Variants in PTPRK observed in about 807,000 individuals in gnomAD.
PTPRK encodes the protein protein tyrosine phosphatase receptor type K.
PTPRK carries 75 observed loss-of-function variants against 178.0 expected under a neutral mutation model. The observed-to-expected ratio is 0.42, with a 90% confidence interval of 0.35 to 0.51. PTPRK has a LOEUF of 0.51. Among genes scored for constraint, PTPRK ranks in the 20% least tolerant of loss-of-function variants. PTPRK has a pLI of 0.02. For missense variants in PTPRK, 1,441 were observed against 1,797.8 expected (o/e 0.80, Z 3.59); for synonymous variants, 637 against 620.6 (o/e 1.03, Z -0.39).
At chr6:128,044,160 T>C (rs1353746418) in intron 13 of PTPRK, among the ~76,000 whole-genome samples, 1 of 152,056 alleles carries the variant, frequency 6.6e-6, no homozygotes, top group Non-Finnish European at 1.5e-5. Flanking sequence ...AAAGAGCTTA[T>C]TTTTTGCACA....
intron 5 of PTPRK, chr6:128,230,838 C>T (rs911467634): frequency 1.1e-4 from 17 of 152,138 alleles, no homozygotes; most frequent in African/African-American, 3.9e-4. Context: ...AATCCTTGAA[C>T]TTCCATGACT....
intron 2 of PTPRK, among the ~76,000 whole-genome samples, chr6:128,340,318 G>A (rs190675371): frequency 1.2e-4 from 19 of 152,242 alleles, no homozygotes; most frequent in Non-Finnish European, 2.6e-4. Flanking sequence ...ACCAGACAGG[G>A]CTTCAAGACT....
At chr6:128,122,436 C>T (rs935953140) in intron 7 of PTPRK, among the ~76,000 whole-genome samples, 1 of 152,132 alleles carries the variant, frequency 6.6e-6, no homozygotes. Flanking sequence ...AGTTCTATCA[C>T]AAGAACCCCT....
intron 3 of PTPRK, among the ~76,000 whole-genome samples, chr6:128,299,412 A>C (rs1825137374): frequency 6.6e-6 from 1 of 152,146 alleles, no homozygotes; most frequent in Non-Finnish European, 1.5e-5. Context: ...CCGCACTGCC[A>C]AGTCAATCCT....
At chr6:128,081,644 G>A (rs1046261556) in intron 10 of PTPRK, among the ~76,000 whole-genome samples, 34 of 151,814 alleles carry the variant, frequency 2.2e-4, no homozygotes, top group African/African-American at 8.0e-4. Flanking sequence ...TACATTGTGT[G>A]GTTGACCTTT....
At chr6:128,390,958 A>G (rs1839467282) in intron 2 of PTPRK, among the ~76,000 whole-genome samples, 1 of 152,126 alleles carries the variant, frequency 6.6e-6, no homozygotes, top group Non-Finnish European at 1.5e-5. Context: ...CTTTGGAGCC[A>G]TATGTCTCTA....
intron 2 of PTPRK, among the ~76,000 whole-genome samples, chr6:128,375,116 A>G (rs2128351483): frequency 6.9e-6 from 1 of 144,078 alleles, no homozygotes; most frequent in East Asian, 2.0e-4. Flanking sequence ...CCTTTTCCCC[A>G]TCAAGGTATA....
intron 10 of PTPRK, among the ~76,000 whole-genome samples, chr6:128,081,930 G>A (rs949977431): frequency 1.5e-4 from 23 of 152,016 alleles, no homozygotes; most frequent in East Asian, 3.9e-4. Context: ...TCTTCTGTAC[G>A]TTCCCATTTT....
At chr6:128,138,846 T>G (rs981074930) in intron 7 of PTPRK, among the ~76,000 whole-genome samples, 3 of 152,034 alleles carry the variant, frequency 2.0e-5, no homozygotes, top group African/African-American at 7.2e-5. Context: ...AATGGACATG[T>G]TCTATAATCA....
At chr6:128,243,488 T>TAAA (rs760606919) in intron 3 of PTPRK, among the ~76,000 whole-genome samples, 3 of 59,134 alleles carry the variant, frequency 5.1e-5, no homozygotes, top group African/African-American at 1.0e-4. Context: ...AGCCTGTCGC[T>TAAA]AAAAAAAAAA....
chr6:128,129,206 C>A (rs1348248224), intron 7 of PTPRK, among the ~76,000 whole-genome samples: 3 of 152,182 alleles, frequency 2.0e-5, no homozygotes, highest in Non-Finnish European at 4.4e-5. Context: ...TTATTACACA[C>A]TTAAGCTCAA....
intron 6 of PTPRK, among the ~76,000 whole-genome samples, chr6:128,199,532 A>C (rs1805518478): frequency 6.9e-6 from 1 of 145,532 alleles, no homozygotes; most frequent in Non-Finnish European, 1.5e-5. Flanking sequence ...CTATATGTTT[A>C]ATATACACTT....
chr6:128,474,989 T>A (rs1044612477), intron 1 of PTPRK, among the ~76,000 whole-genome samples: 7 of 152,092 alleles, frequency 4.6e-5, no homozygotes, highest in Admixed American at 6.6e-5. Flanking sequence ...TTCATTGGTA[T>A]AGGATGATAT....
chr6:128,161,826 T>C (rs764065969), intron 7 of PTPRK, among the ~76,000 whole-genome samples: 10 of 151,552 alleles, frequency 6.6e-5, no homozygotes, highest in Admixed American at 2.6e-4. Context: ...ATAAACATAT[T>C]TGTCAATTTA....
intron 13 of PTPRK, among the ~76,000 whole-genome samples, chr6:128,032,845 A>G (rs1431564204): frequency 6.6e-6 from 1 of 152,216 alleles, no homozygotes; most frequent in East Asian, 1.9e-4. Flanking sequence ...CACTGCGGGA[A>G]TATCAGCCAC....
chr6:128,000,420 T>A, intron 15 of PTPRK: 1 of 808,340 alleles, frequency 1.2e-6, no homozygotes, highest in Non-Finnish European at 1.6e-6. Context: ...CTCCCTCTTA[T>A]TAAGCTGAAT....
chr6:127,987,169 C>T (rs1395349286), intron 21 of PTPRK, among the ~76,000 whole-genome samples: 2 of 151,598 alleles, frequency 1.3e-5, no homozygotes, highest in African/African-American at 4.8e-5. Flanking sequence ...AGTACATTTT[C>T]ATATGTCAGC....
At chr6:128,265,438 A>G (rs1281901718) in intron 3 of PTPRK, among the ~76,000 whole-genome samples, 1 of 152,162 alleles carries the variant, frequency 6.6e-6, no homozygotes, top group Non-Finnish European at 1.5e-5. Context: ...AAACTCTTCC[A>G]ACTGCTTTAA....
Position 128,250,400 on chromosome 6 carries a change from G to A in PTPRK, c.496-7798C>T, listed in dbSNP as rs145834297. ...CTAGTAAAATATAAACTCACTGAGG[G>A]CAATGGATTGTCATGTTCCTCACAA... On this transcript the variant is annotated intron_variant, in intron 3 of 29. Transcript: ENST00000368226. Among the ~76,000 whole-genome samples the A allele has an allele frequency of 3.4e-3, 524 of 152,236 alleles. 2 individuals are homozygous for A. The highest frequency in any genetic ancestry group is 0.012 in the African/African-American group (497 of 41,540).
Sources: gnomAD v4.1 joint callset for allele counts (sites outside exome capture counted in the v4.1 genomes callset) on GRCh38, gnomAD v4.1.1 for gene constraint, MANE v1.5 for transcripts, NCBI Gene and HGNC (gene_info 2026-07-23, HGNC 2026-07-21) for gene names.